PLEKHA7: variants seen among roughly 807,000 people sequenced by gnomAD.
PLEKHA7 encodes pleckstrin homology domain-containing family A member 7.
Under a neutral mutation model 170.0 loss-of-function variants are expected in PLEKHA7, and 104 were observed. The observed-to-expected ratio is 0.61, with a 90% CI of 0.52 to 0.72. The LOEUF (loss-of-function observed/expected upper bound fraction) is 0.72, where lower values mean the gene tolerates loss of function less well. Among genes scored for constraint, PLEKHA7 ranks in the 30% least tolerant of loss-of-function variants. The probability of loss-of-function intolerance (pLI) is 0.00; values close to 1 mark genes in which losing one functional copy is unlikely to be tolerated. For missense variants in PLEKHA7, 1,615 were observed against 1,671.7 expected, an observed-to-expected ratio of 0.97 and a Z score of 0.59; for synonymous variants, 648 against 660.8, an observed-to-expected ratio of 0.98 and a Z score of 0.30.
chr11:16,835,796 G>A (rs565037465), intron 9 of PLEKHA7, among the ~76,000 whole-genome samples: 1 of 152,156 alleles, frequency 6.6e-6, no homozygotes, highest in Non-Finnish European at 1.5e-5. Context: ...GATACCTAAG[G>A]CAAAAGAAAT....
intron 4 of PLEKHA7, among the ~76,000 whole-genome samples, chr11:16,865,705 G>A (rs1165220766): frequency 6.0e-5 from 9 of 150,676 alleles, no homozygotes; most frequent in Admixed American, 6.0e-4. Context: ...TCAAAAAAAA[G>A]AAAAGAAATG....
rs1443673845 is a variant in PLEKHA7 at position 16,925,754 on chromosome 11, C to A, written c.222-54572G>T. Among the ~76,000 whole-genome samples the A allele has an allele frequency of 2.6e-5, 4 of 152,368 alleles. No individual in the cohort carries two copies. In the East Asian group the frequency reaches 5.8e-4, roughly 22 times the overall value. On this transcript the variant is annotated intron_variant, in intron 3 of 26. Coordinates refer to ENST00000531066, the MANE Select transcript of PLEKHA7 (RefSeq NM_001329630.2). ...CGAGGAGCCCACACCCACTTGACAT[C>A]AGCACCGATCAAAGCACGTGGCGCA...
intron 3 of PLEKHA7, among the ~76,000 whole-genome samples, chr11:16,947,024 G>A (rs1003135592): frequency 1.3e-5 from 2 of 152,148 alleles, no homozygotes; most frequent in East Asian, 1.9e-4. Flanking sequence ...AGCACCCCCT[G>A]GGAACCTATA....
intron 3 of PLEKHA7, among the ~76,000 whole-genome samples, chr11:17,012,728 T>G (rs545660891): frequency 1.5e-4 from 23 of 152,266 alleles, no homozygotes; most frequent in African/African-American, 5.5e-4. Flanking sequence ...CACAGGAAAA[T>G]TGTAATAACA....
At chr11:16,919,923 T>C (rs1858964341) in intron 3 of PLEKHA7, among the ~76,000 whole-genome samples, 2 of 152,184 alleles carry the variant, frequency 1.3e-5, no homozygotes, top group African/African-American at 4.8e-5. Flanking sequence ...GAGCTTCCCT[T>C]CTCTGGGATT....
intron 3 of PLEKHA7, among the ~76,000 whole-genome samples, chr11:16,979,125 C>T (rs1303474740): frequency 6.6e-6 from 1 of 152,202 alleles, no homozygotes; most frequent in Non-Finnish European, 1.5e-5. Flanking sequence ...GCAACCTCCG[C>T]CTCCCGGGTT....
At chr11:17,000,533 T>C (rs1306590426) in intron 3 of PLEKHA7, among the ~76,000 whole-genome samples, 1 of 152,120 alleles carries the variant, frequency 6.6e-6, no homozygotes, top group Non-Finnish European at 1.5e-5. Context: ...GAAGCACAAT[T>C]CTTTCTCCCT....
At position 16,817,440 on chromosome 11, in the gene PLEKHA7, A is replaced by G. The variant is rs1849859261; in HGVS notation, c.1344-118T>C. On this transcript the variant is annotated intron_variant, in intron 10 of 26. Transcript: ENST00000531066. The surrounding 1 kb of genome is among the most constrained non-coding windows in gnomAD (Gnocchi z 4.4). Reference sequence around the variant, plus strand: ...TGTGGGACAGTCCTGTAAGAACCTCAAAAGAATGATCAAGGCCGACATCCA... The same window carrying G: ...TGTGGGACAGTCCTGTAAGAACCTCGAAAGAATGATCAAGGCCGACATCCA... 9.6e-7 allele frequency: 1 copy of G among 1,045,302 alleles called. No homozygotes were observed. The highest frequency in any genetic ancestry group is 2.0e-5 in the South Asian group (1 of 50,886). 64.8% of individuals were successfully genotyped at this position (1,045,302 alleles called of 1,614,324 possible). A position where few individuals can be genotyped will look rare whatever the true frequency, so the allele number is the denominator to read the frequency against.
rs561827327 is a variant in PLEKHA7 at position 16,906,942 on chromosome 11, G to A, written c.222-35760C>T. ...GGGAGCGCCTCTGCCCTGCCGCCCC[G>A]TCTGGGATGTGAGGAGCGTCTCTGC... On this transcript the variant is annotated intron_variant, in intron 3 of 26. Transcript: ENST00000531066. Among the ~76,000 whole-genome samples the A allele has an allele frequency of 2.2e-3, 323 of 147,904 alleles. 2 individuals are homozygous for A. Among genetic ancestry groups the A allele is most frequent in the East Asian group, 0.014 (70 of 4,960 alleles).
At chr11:16,856,633 G>T (rs1173264799) in intron 4 of PLEKHA7, among the ~76,000 whole-genome samples, 2 of 152,186 alleles carry the variant, frequency 1.3e-5, no homozygotes, top group Non-Finnish European at 2.9e-5. Flanking sequence ...CCCTGGGAGG[G>T]CCAACTCTCT....
At chr11:16,873,212 T>C (rs1048566181) in intron 3 of PLEKHA7, among the ~76,000 whole-genome samples, 4 of 152,218 alleles carry the variant, frequency 2.6e-5, no homozygotes, top group Admixed American at 2.0e-4. Context: ...GAGATTACTA[T>C]GTCTAAATCA....
intron 3 of PLEKHA7, among the ~76,000 whole-genome samples, chr11:16,939,391 G>A (rs1860525931): frequency 6.6e-6 from 1 of 152,040 alleles, no homozygotes; most frequent in Admixed American, 6.6e-5. Flanking sequence ...TCCAGCCTGG[G>A]TGACACAGCA....
chr11:16,830,489 T>A (rs1851024385), intron 9 of PLEKHA7, among the ~76,000 whole-genome samples: 1 of 152,204 alleles, frequency 6.6e-6, no homozygotes. Context: ...GGTAATTGTA[T>A]CTCCTTGTTA....
chr11:16,973,379 G>T (rs1862842576), intron 3 of PLEKHA7, among the ~76,000 whole-genome samples: 1 of 152,166 alleles, frequency 6.6e-6, no homozygotes, highest in Non-Finnish European at 1.5e-5. Context: ...ATCAGACTTG[G>T]CAGGGACCAC....
Position 16,803,230 on chromosome 11 carries a change from A to T in PLEKHA7, c.2073T>A (p.Thr691=), listed in dbSNP as rs760753047. 1.7e-5 allele frequency: 28 copies of T among 1,613,552 alleles called. No homozygotes were observed. The highest frequency in any genetic ancestry group is 2.4e-5 in the Non-Finnish European group (28 of 1,179,554). The change falls in exon 14 of 27, where the codon ACT becomes ACA. Residue 691 remains threonine, a synonymous_variant. Coordinates refer to ENST00000531066, the MANE Select transcript of PLEKHA7 (RefSeq NM_001329630.2). ...LKPVKIAESD[T]DVKLSIFCEQ... ...GCGTGTCACTCTGCTCACTCACGTC[A>T]GTGTCGCTCTCAGCGATCTTCACAG...
At chr11:16,796,139 G>A (rs1322042834) in intron 17 of PLEKHA7, among the ~76,000 whole-genome samples, 1 of 152,122 alleles carries the variant, frequency 6.6e-6, no homozygotes, top group Admixed American at 6.5e-5. Context: ...GATTACAGGC[G>A]TGAGCCACTG....
chr11:17,003,234 G>A (rs899861075), intron 3 of PLEKHA7, among the ~76,000 whole-genome samples: 3 of 152,028 alleles, frequency 2.0e-5, no homozygotes, highest in South Asian at 2.1e-4. Context: ...CAGGTGATCC[G>A]CCCACTTTGG....
rs368449449 is a variant in PLEKHA7, at chr11:16,789,815, C to T, written c.3116G>A (p.Arg1039Gln). ...GCTGCTTTCGGCATTGAGACCCCTCCGGAGTGTGACGTAGGGAGCAATGGT... is the reference window on the plus strand; with the variant it reads ...GCTGCTTTCGGCATTGAGACCCCTCTGGAGTGTGACGTAGGGAGCAATGGT... ...SSTIAPYVTL[R>Q]RGLNAESSKA... is the part of the protein sequence containing the mutation. Residue 1039 changes from arginine to glutamine, a missense_variant, in exon 22 of 27, where the codon CGG (arginine) becomes CAG (glutamine). By Grantham distance (43) the Arg-to-Gln change is conservative. Coordinates refer to ENST00000531066, the MANE Select transcript of PLEKHA7 (RefSeq NM_001329630.2). The surrounding 1 kb of genome is among the most constrained non-coding windows in gnomAD (Gnocchi z 4.6). 93 of 1,613,988 alleles carry T rather than the reference C, an allele frequency of 5.8e-5. 1 individual carries two copies. Among genetic ancestry groups the T allele is most frequent in the African/African-American group, 2.7e-4 (20 of 74,926 alleles).
rs1180667440 is a variant in PLEKHA7 at position 16,789,130 on chromosome 11, T to A, written c.3323A>T (p.Tyr1108Phe). ...ATCTCCAGGGAGCGGCCGGCTGAGG[T>A]AGCGAGATGAGGGCAGGCCCGTCCT... ...GERTGLPSSR[Y>F]LSRPLPGDLG... The change falls in exon 23 of 27, where the codon TAC (tyrosine) becomes TTC (phenylalanine). Residue 1108 changes from tyrosine (Y) to phenylalanine (F), a missense_variant. Tyr to Phe is a conservative substitution (Grantham distance 22). Coordinates refer to ENST00000531066, the MANE Select transcript of PLEKHA7 (RefSeq NM_001329630.2). The surrounding 1 kb of genome is among the most constrained non-coding windows in gnomAD (Gnocchi z 4.6). 1.2e-6 allele frequency: 2 copies of A among 1,608,222 alleles called. No individual in the cohort carries two copies. The highest frequency in any genetic ancestry group is 2.7e-5 in the African/African-American group (2 of 75,048).
Sources: gnomAD v4.1 joint callset for allele counts (sites outside exome capture counted in the v4.1 genomes callset) on GRCh38, gnomAD v4.1.1 for gene constraint, Gnocchi (gnomAD v3.1) non-coding constraint, MANE v1.5 for transcripts, NCBI Gene and HGNC (gene_info 2026-07-23, HGNC 2026-07-21) for gene names.